LYSMD1: variants seen among roughly 807,000 people sequenced by gnomAD.
The protein encoded by LYSMD1 is LysM domain containing 1, also known as lysM and putative peptidoglycan-binding domain-containing protein 1.
A neutral mutation model predicts 19.3 loss-of-function variants in LYSMD1; 9 were observed. The ratio of observed to expected loss-of-function variants is 0.47; its 90% confidence interval spans 0.28 to 0.81. LYSMD1 has a LOEUF of 0.81. Ranked by LOEUF, LYSMD1 falls within the 40% of genes least tolerant of loss-of-function variation. The pLI, the probability that LYSMD1 is intolerant of heterozygous loss-of-function variation, is 0.11. For synonymous variants in LYSMD1, 111 were observed against 111.7 expected (o/e 0.99, Z 0.04); for missense variants, 262 against 279.8 (o/e 0.94, Z 0.45).
chr1:151,152,103 CA>C, the LYSMD1 span, among the ~76,000 whole-genome samples: 19 of 146,118 alleles, frequency 1.3e-4, no homozygotes, highest in African/African-American at 3.2e-4. Context: ...AAAACAAAAA[CA>C]AAAAAAAAAC....
chr1:151,165,359 T>C lies in LYSMD1; in HGVS notation c.-101A>G. On this transcript the variant is annotated 5_prime_UTR_variant, in exon 1 of 3. Coordinates refer to ENST00000368908, the MANE Select transcript of LYSMD1 (RefSeq NM_212551.5). ...TGGGAATGAATATTCAGGGGATTCCTTTCCCCCTCTCTCTTCCCCTGTGTC... is the reference window on the plus strand; with the variant it reads ...TGGGAATGAATATTCAGGGGATTCCCTTCCCCCTCTCTCTTCCCCTGTGTC... 1 of 1,512,138 alleles carries C rather than the reference T, an allele frequency of 6.6e-7. No homozygotes were observed. Among genetic ancestry groups the C allele is most frequent in the Admixed American group, 2.2e-5 (1 of 45,900 alleles). The allele number at this position is 1,512,138 out of a possible 1,614,324, so 93.7% of individuals were successfully genotyped here.
intron 1 of LYSMD1, among the ~76,000 whole-genome samples, chr1:151,164,634 C>T (rs1683590730): frequency 6.6e-6 from 1 of 152,160 alleles, no homozygotes; most frequent in Non-Finnish European, 1.5e-5. Flanking sequence ...ATCAGCTCTC[C>T]ATTAGTTGCT....
chr1:151,153,461 TG>T, the LYSMD1 span, among the ~76,000 whole-genome samples: 1 of 151,916 alleles, frequency 6.6e-6, no homozygotes, highest in Non-Finnish European at 1.5e-5. Context: ...GAGACCAGCC[TG>T]GCCAATATGG....
At chr1:151,161,398 G>A (rs370103014) in intron 2 of LYSMD1, among the ~76,000 whole-genome samples, 14 of 152,168 alleles carry the variant, frequency 9.2e-5, no homozygotes, top group African/African-American at 3.4e-4. Flanking sequence ...TCGGGAGGCT[G>A]AGGCAGGAGA....
chr1:151,160,918 T>C lies in LYSMD1; in HGVS notation c.648A>G (p.Thr216=), dbSNP rs746969673. ...VPLTRTSRTR[T]LRDQEDEIFK... is the part of the protein sequence containing the mutation. The stretch of plus-strand genomic sequence containing the variant: ...AGATTTCATCCTCCTGGTCCCGTAG[T>C]GTCCGGGTCCGAGAGGTACGGGTCA... Residue 216 remains threonine (T), a synonymous_variant, in exon 3 of 3, where the codon ACA becomes ACG. Transcript: ENST00000368908. The C allele has an allele frequency of 8.1e-6, 13 of 1,614,194 alleles. No individual in the cohort carries two copies. Among genetic ancestry groups the C allele is most frequent in the African/African-American group, 2.7e-5 (2 of 75,054 alleles).
downstream of LYSMD1, among the ~76,000 whole-genome samples, chr1:151,157,682 AT>A (rs1683270187): frequency 6.6e-6 from 1 of 152,154 alleles, no homozygotes. Context: ...AAATTGCTAT[AT>A]TTCTCTTCGC....
downstream of LYSMD1, among the ~76,000 whole-genome samples, chr1:151,158,140 T>C (rs777851417): frequency 6.6e-6 from 1 of 151,848 alleles, no homozygotes; most frequent in Non-Finnish European, 1.5e-5. Context: ...CTGGCCAACA[T>C]GGTGAAACGC....
the LYSMD1 span, among the ~76,000 whole-genome samples, chr1:151,149,737 C>A: frequency 6.6e-6 from 1 of 152,078 alleles, no homozygotes; most frequent in East Asian, 1.9e-4. Context: ...GGCAACAGAG[C>A]GAGACTCCAT....
At chr1:151,159,329 G>A, downstream of LYSMD1, 1 of 1,397,132 alleles carries the variant, frequency 7.2e-7, no homozygotes, top group Non-Finnish European at 9.7e-7. Flanking sequence ...TCCTAACCCT[G>A]CTCACCTGGC....
rs587692020 is a variant in LYSMD1, at chr1:151,160,723, C to G, written c.*159G>C. 163 of 848,694 alleles carry G rather than the reference C, an allele frequency of 1.9e-4. No homozygotes were observed. The highest frequency in any genetic ancestry group is 1.3e-3 in the Admixed American group (47 of 37,004). The allele number at this position is 848,694 out of a possible 1,614,324, so 52.6% of individuals were successfully genotyped here. On this transcript the variant is annotated 3_prime_UTR_variant, in exon 3 of 3. Transcript: ENST00000368908. ...CCCTAATCTTGCCAATAAAACTGCC[C>G]CAGGCCAAGGAATTTTTGGCAGACA...
the LYSMD1 span, among the ~76,000 whole-genome samples, chr1:151,148,917 T>G: frequency 6.6e-6 from 1 of 151,280 alleles, no homozygotes. Flanking sequence ...GACGTCATTT[T>G]AAATTCTTGA....
chr1:151,165,780 C>CTT lies in LYSMD1; in HGVS notation c.-523_-522insAA. On this transcript the variant is annotated 5_prime_UTR_variant, in exon 1 of 3. An upstream start codon of the reference 5' UTR is lost. Coordinates refer to ENST00000368908, the MANE Select transcript of LYSMD1 (RefSeq NM_212551.5). ...CAGAGATCCTCAAAGGTCCGCTCCG[C>CTT]ATAAGATAGGTCACACCCTCAAATT... The CTT allele has an allele frequency of 6.4e-7, 1 of 1,551,556 alleles. No individual in the cohort carries two copies. The highest frequency in any genetic ancestry group is 8.7e-7 in the Non-Finnish European group (1 of 1,146,800).
At chr1:151,156,152 T>C (rs998228831), downstream of LYSMD1, among the ~76,000 whole-genome samples, 17 of 144,032 alleles carry the variant, frequency 1.2e-4, 1 homozygote, top group Middle Eastern at 3.7e-3. Context: ...CTTGTTCCTC[T>C]ACGCTAGTGA....
In LYSMD1 at chr1:151,160,720, G is replaced by T. The variant is rs143692137; in HGVS notation, c.*162C>A. 313 of 779,478 alleles carry T rather than the reference G, an allele frequency of 4.0e-4. 2 individuals carry two copies. In the African/African-American group the frequency reaches 4.8e-3, roughly 12 times the overall value. 48.3% of individuals were successfully genotyped at this position (779,478 alleles called of 1,614,324 possible). On this transcript the variant is annotated 3_prime_UTR_variant, in exon 3 of 3. Transcript: ENST00000368908. ...ATTCCCTAATCTTGCCAATAAAACTGCCCCAGGCCAAGGAATTTTTGGCAG... is the reference window on the plus strand; with the variant it reads ...ATTCCCTAATCTTGCCAATAAAACTTCCCCAGGCCAAGGAATTTTTGGCAG...
chr1:151,152,483 T>C, the LYSMD1 span, among the ~76,000 whole-genome samples: 1 of 151,606 alleles, frequency 6.6e-6, no homozygotes, highest in South Asian at 2.1e-4. Context: ...GGGCGAATCA[T>C]GAGGTCAGGA....
the LYSMD1 span, among the ~76,000 whole-genome samples, chr1:151,150,296 T>C: frequency 6.6e-6 from 1 of 152,194 alleles, no homozygotes. Flanking sequence ...CCTTAGCATA[T>C]ACACATGCTC....
At chr1:151,161,612 T>C in intron 2 of LYSMD1, 124 bp downstream of exon 2, 1 of 1,259,358 alleles carries the variant, frequency 7.9e-7, no homozygotes, top group Non-Finnish European at 1.1e-6. Context: ...TGGGGCCACA[T>C]GGGGGAAAGG....
downstream of LYSMD1, chr1:151,159,359 C>G (rs771964357): frequency 1.5e-5 from 18 of 1,185,390 alleles, no homozygotes; most frequent in Non-Finnish European, 2.1e-5. Context: ...TTTCAATCTT[C>G]AGGCTTCATT....
chr1:151,151,448 C>T, the LYSMD1 span, among the ~76,000 whole-genome samples: 44 of 151,566 alleles, frequency 2.9e-4, no homozygotes, highest in East Asian at 8.2e-3. Context: ...ATCCGCCCGC[C>T]TGGGCCTCCC....
Sources: gnomAD v4.1 joint callset for allele counts (sites outside exome capture counted in the v4.1 genomes callset) on GRCh38, gnomAD v4.1.1 for gene constraint, MANE v1.5 for transcripts, NCBI Gene and HGNC (gene_info 2026-07-23, HGNC 2026-07-21) for gene names.